CUX1: variants seen among roughly 807,000 people sequenced by gnomAD.
The protein encoded by CUX1 is protein CASP.
A neutral mutation model predicts 158.8 loss-of-function variants in CUX1; 31 were observed. The ratio of observed to expected loss-of-function variants is 0.20; its 90% CI spans 0.15 to 0.26. The LOEUF (loss-of-function observed/expected upper bound fraction) is 0.26. Among genes scored for constraint, CUX1 ranks in the 10% least tolerant of loss-of-function variants. CUX1 has a pLI of 1.00. For missense variants in CUX1, 1,589 were observed against 2,014.6 expected, an observed-to-expected ratio of 0.79 and a Z score of 4.04; for synonymous variants, 879 against 862.1, an observed-to-expected ratio of 1.02 and a Z score of -0.34.
At chr7:101,932,471 C>A in intron 2 of CUX1, 2 of 410,978 alleles carry the variant, frequency 4.9e-6, no homozygotes, top group South Asian at 3.4e-5. Context: ...AAACGTGCAT[C>A]GCTTACGAGC....
chr7:102,215,053 A>G (rs1339217442), intron 20 of CUX1, among the ~76,000 whole-genome samples: 1 of 152,174 alleles, frequency 6.6e-6, no homozygotes, highest in Non-Finnish European at 1.5e-5. Flanking sequence ...CAGGAGGCTG[A>G]GGAGAGAGGA....
chr7:101,952,740 C>G (rs1488773570), intron 2 of CUX1, among the ~76,000 whole-genome samples: 1 of 152,180 alleles, frequency 6.6e-6, no homozygotes, highest in Non-Finnish European at 1.5e-5. Context: ...CCCACTGCGC[C>G]ATGCTGGTCT....
Position 102,158,724 on chromosome 7 carries a change from C to G in CUX1, c.723+116C>G. On this transcript the variant is annotated intron_variant, in intron 9 of 23. Transcript: ENST00000292535. ...CGGTTATCCTTCCATTTTTTACTGA[C>G]AGCTTTCAACGTCGATGCTCCTTCT... is the stretch of plus-strand genomic sequence containing the variant. 8 of 913,344 alleles carry G rather than the reference C, an allele frequency of 8.8e-6. No homozygotes were observed. In the South Asian group the frequency reaches 1.1e-4, roughly 13 times the overall value. 56.6% of individuals were successfully genotyped at this position (913,344 alleles called of 1,614,324 possible). A position where few individuals can be genotyped will look rare whatever the true frequency, so the allele number is the denominator to read the frequency against.
chr7:102,214,865 A>G (rs929051683), intron 20 of CUX1, among the ~76,000 whole-genome samples: 12 of 152,244 alleles, frequency 7.9e-5, no homozygotes, highest in African/African-American at 2.7e-4. Flanking sequence ...ATATAGCCCG[A>G]GTCTGAATTG....
Position 102,170,440 on chromosome 7 carries a change from C to T in CUX1, c.724-6C>T. The T allele has an allele frequency of 6.4e-7, 1 of 1,566,914 alleles. No homozygotes were observed. Among genetic ancestry groups the T allele is most frequent in the South Asian group, 1.2e-5 (1 of 84,630 alleles). On this transcript the variant is annotated splice_region_variant and splice_polypyrimidine_tract_variant and intron_variant, in intron 9 of 23. Coordinates refer to ENST00000292535, the MANE Select transcript of CUX1 (RefSeq NM_181552.4). Reference sequence around the variant, plus strand: ...TTTCTCTTTCACCCCTTTTCATTTCCTTCAGAGGGCAGAGGTGGCTCAGAG... The same window carrying T: ...TTTCTCTTTCACCCCTTTTCATTTCTTTCAGAGGGCAGAGGTGGCTCAGAG...
At chr7:101,838,740 T>C (rs550306007) in intron 1 of CUX1, among the ~76,000 whole-genome samples, 13 of 151,782 alleles carry the variant, frequency 8.6e-5, no homozygotes, top group Non-Finnish European at 1.8e-4. Context: ...GAGGTAGAGG[T>C]TGCAGTGAGC....
chr7:102,056,378 A>G (rs1824127631), intron 3 of CUX1, among the ~76,000 whole-genome samples: 1 of 152,342 alleles, frequency 6.6e-6, no homozygotes, highest in South Asian at 2.1e-4. Context: ...GGGATAATGC[A>G]GCTGGTGACT....
At chr7:102,127,711 T>A (rs112245456) in intron 8 of CUX1, among the ~76,000 whole-genome samples, 1 of 152,254 alleles carries the variant, frequency 6.6e-6, no homozygotes. Flanking sequence ...TTCCCTGCTG[T>A]TCAGGAGCCT....
chr7:102,254,037 C>G lies in CUX1; in HGVS notation c.*4995C>G. The G allele has an allele frequency of 1.0e-6, 1 of 985,502 alleles. No individual in the cohort carries two copies. Among genetic ancestry groups the G allele is most frequent in the Non-Finnish European group, 1.2e-6 (1 of 829,982 alleles). The allele number at this position is 985,502 out of a possible 1,614,324, so 61.0% of individuals were successfully genotyped here. On this transcript the variant is annotated 3_prime_UTR_variant, in exon 24 of 24. Coordinates refer to ENST00000292535, the MANE Select transcript of CUX1 (RefSeq NM_181552.4). ...GCAGAAAAGCTGCCAGCGCAGCAGA[C>G]ACGAACATCCCTCTGCCTGGTGGGC...
chr7:102,196,195 G>T (rs1056364235), intron 14 of CUX1, among the ~76,000 whole-genome samples: 4 of 152,230 alleles, frequency 2.6e-5, no homozygotes, highest in Admixed American at 1.3e-4. Flanking sequence ...CCACATCGAG[G>T]GGGCTCGGTA....
At chr7:102,182,807 C>G (rs781789164) in intron 11 of CUX1, among the ~76,000 whole-genome samples, 1 of 152,214 alleles carries the variant, frequency 6.6e-6, no homozygotes, top group Non-Finnish European at 1.5e-5. Context: ...CTGCACTGTA[C>G]TTGCTACAGC....
At chr7:102,262,981 G>A (rs1790518964), downstream of CUX1, among the ~76,000 whole-genome samples, 1 of 151,594 alleles carries the variant, frequency 6.6e-6, no homozygotes, top group South Asian at 2.1e-4. Context: ...GTTATAAGGA[G>A]GATGGGAAGA....
chr7:101,843,525 C>T (rs1795379284), intron 1 of CUX1, among the ~76,000 whole-genome samples: 1 of 151,312 alleles, frequency 6.6e-6, no homozygotes, highest in South Asian at 2.1e-4. Flanking sequence ...TGTGATTATT[C>T]TTAAAATTAT....
chr7:102,274,244 G>A (rs782314537), exon 16 of CUX1: 144 of 1,613,144 alleles, frequency 8.9e-5, no homozygotes, highest in Non-Finnish European at 1.1e-4. Flanking sequence ...TCACCTGCAG[G>A]GTGCCGCTGA....
chr7:102,228,778 A>G (rs1342627218), intron 21 of CUX1, among the ~76,000 whole-genome samples: 2 of 152,226 alleles, frequency 1.3e-5, no homozygotes, highest in Non-Finnish European at 2.9e-5. Flanking sequence ...AGCCTGGACA[A>G]CACAGTGAGA....
At chr7:102,138,120 G>A (rs868977672) in intron 8 of CUX1, among the ~76,000 whole-genome samples, 4 of 152,070 alleles carry the variant, frequency 2.6e-5, no homozygotes, top group Middle Eastern at 6.8e-3. Flanking sequence ...GGAGGTCAAG[G>A]CTGCAGTGAG....
chr7:102,154,748 T>C (rs78196269), intron 8 of CUX1, among the ~76,000 whole-genome samples: 6,549 of 152,292 alleles, frequency 0.043, 492 homozygotes, highest in African/African-American at 0.15. Flanking sequence ...GAAGTAGCTA[T>C]GCCAACAATA....
intron 2 of CUX1, among the ~76,000 whole-genome samples, chr7:101,996,817 T>G (rs1815966184): frequency 6.6e-6 from 1 of 152,074 alleles, no homozygotes; most frequent in African/African-American, 2.4e-5. Flanking sequence ...TGCTCCAGGT[T>G]GTTTTCTCTT....
intron 2 of CUX1, among the ~76,000 whole-genome samples, chr7:101,983,677 A>G (rs185257882): frequency 6.6e-6 from 1 of 152,136 alleles, no homozygotes; most frequent in African/African-American, 2.4e-5. Flanking sequence ...GACATATCAC[A>G]TGGGGAGAGA....
Sources: allele counts gnomAD v4.1 joint callset (sites outside exome capture counted in the v4.1 genomes callset), GRCh38; gene constraint gnomAD v4.1.1; transcripts MANE v1.5; gene names NCBI Gene and HGNC (gene_info 2026-07-23, HGNC 2026-07-21).